Variants in FBXL12 observed in about 807,000 individuals in gnomAD.
FBXL12 encodes F-box and leucine rich repeat protein 12, also known as F-box/LRR-repeat protein 12.
Under a neutral mutation model 24.9 loss-of-function variants are expected in FBXL12, and 22 were observed. The observed-to-expected ratio is 0.88, with a 90% confidence interval of 0.63 to 1.26. FBXL12 has a LOEUF of 1.26. FBXL12 is among the 50% of genes most tolerant of loss of function. The pLI is 0.00. For missense variants in FBXL12, 384 were observed against 434.1 expected (o/e 0.88, Z 1.03); for synonymous variants, 193 against 193.8 (o/e 1.00, Z 0.03).
Position 9,811,686 on chromosome 19 carries a change from C to T in FBXL12, c.191G>A (p.Arg64Gln), listed in dbSNP as rs776137735. The change falls in exon 3 of 3, where the codon CGA becomes CAA. Residue 64 changes from arginine (R) to glutamine (Q), a missense_variant. Arg to Gln is a conservative substitution (Grantham distance 43). Transcript: ENST00000247977. This position sits in a 1 kb window ranked among gnomAD's most constrained non-coding sequence, Gnocchi z 6.0. ...MRPKVMWHLL[R>Q]RYMASRLHSL... ...ATGGAGCCGGGATGCCATGTACCTT[C>T]GAAGGAGGTGCCACATGACTTTAGG... 7.3e-6 allele frequency: 11 copies of T among 1,512,624 alleles called. No individual in the cohort carries two copies. Among genetic ancestry groups the T allele is most frequent in the African/African-American group, 1.4e-5 (1 of 71,572 alleles). The allele number at this position is 1,512,624 out of a possible 1,614,324, so 93.7% of individuals were successfully genotyped here. A position where few individuals can be genotyped will look rare whatever the true frequency, so the allele number is the denominator to read the frequency against.
At chr19:9,816,292 T>G (rs893365924) in intron 2 of FBXL12, among the ~76,000 whole-genome samples, 1 of 152,224 alleles carries the variant, frequency 6.6e-6, no homozygotes. Flanking sequence ...AATTTCTCCC[T>G]AGAAAATGGG....
intron 2 of FBXL12, among the ~76,000 whole-genome samples, chr19:9,817,716 T>G (rs932504891): frequency 6.6e-6 from 1 of 152,096 alleles, no homozygotes; most frequent in African/African-American, 2.4e-5. Flanking sequence ...GAGTTACAGA[T>G]GGATATATAC....
intron 2 of FBXL12, 38 bp downstream of exon 2, chr19:9,818,507 C>T (rs1203014446): frequency 6.5e-7 from 1 of 1,530,304 alleles, no homozygotes. Flanking sequence ...CCGGGCACCG[C>T]GACCGCGGCC....
At chr19:9,813,381 G>A in intron 2 of FBXL12, 1 of 657,408 alleles carries the variant, frequency 1.5e-6, no homozygotes, top group Non-Finnish European at 2.1e-6. Context: ...TTGTTGCCCA[G>A]GCTGGAGTGC....
Position 9,815,078 on chromosome 19 carries a change from T to A in FBXL12, c.160-3361A>T, listed in dbSNP as rs188753137. The stretch of plus-strand genomic sequence containing the variant: ...AGACAAGGCAAGTCCCTTCCACCTA[T>A]GAGCCTATAAAATCAAAAGCTAGCT... On this transcript the variant is annotated intron_variant, in intron 2 of 2. Coordinates refer to ENST00000247977, the MANE Select transcript of FBXL12 (RefSeq NM_017703.3). 2.7e-3 allele frequency among the ~76,000 whole-genome samples: 413 copies of A among 152,264 alleles called. 1 individual carries two copies. Among genetic ancestry groups the A allele is most frequent in the African/African-American group, 9.4e-3 (391 of 41,548 alleles).
In FBXL12 at chr19:9,810,283, AT is replaced by A. The variant is rs1246519605; in HGVS notation, c.*612del. On this transcript the variant is annotated 3_prime_UTR_variant, in exon 3 of 3. Transcript: ENST00000247977. Reference sequence around the variant, plus strand: ...ACTGAATACTTCTCGGGAAAAAAAAATGATTTTTTTCTTTAATAGTAAAATA... The same window carrying A: ...ACTGAATACTTCTCGGGAAAAAAAAAGATTTTTTTCTTTAATAGTAAAATA... 1 of 152,152 alleles carries A rather than the reference AT, an allele frequency of 6.6e-6. No individual in the cohort carries two copies. The highest frequency in any genetic ancestry group is 1.5e-5 in the Non-Finnish European group (1 of 68,030). 9.4% of individuals were successfully genotyped at this position (152,152 alleles called of 1,614,324 possible).
chr19:9,811,069 A>G lies in FBXL12; in HGVS notation c.808T>C (p.Ser270Pro). The G allele has an allele frequency of 6.2e-7, 1 of 1,603,418 alleles. No individual in the cohort carries two copies. The highest frequency in any genetic ancestry group is 8.5e-7 in the Non-Finnish European group (1 of 1,174,382). Residue 270 changes from serine to proline, a missense_variant, in exon 3 of 3, where the codon TCC becomes CCC. Coordinates refer to ENST00000247977, the MANE Select transcript of FBXL12 (RefSeq NM_017703.3). The surrounding 1 kb of genome is among the most constrained non-coding windows in gnomAD (Gnocchi z 6.0). The stretch of plus-strand genomic sequence containing the variant: ...CAGGAGGAGAGGATTTCAGTGGGGG[A>G]GGGCATTTCTGGGGTGACGAGGGGA... Reference protein sequence around the residue: ...QGPLVTPEMPSPTEILSSCLT... With the variant: ...QGPLVTPEMPPPTEILSSCLT...
chr19:9,818,368 T>C (rs997886300), intron 2 of FBXL12, 177 bp downstream of exon 2: 92 of 652,338 alleles, frequency 1.4e-4, no homozygotes, highest in Non-Finnish European at 2.1e-4. Context: ...GATGAGGAAA[T>C]TGAGGCCCTG....
In FBXL12 at chr19:9,811,447, G is replaced by A; in HGVS notation, c.430C>T (p.Gln144Ter). The change falls in exon 3 of 3, where the codon CAG (glutamine) becomes TAG (stop). Residue 144 changes from glutamine (Q) to a stop codon, truncating the protein, a stop_gained. Transcript: ENST00000247977. LOFTEE classifies it high-confidence loss of function. This position sits in a 1 kb window ranked among gnomAD's most constrained non-coding sequence, Gnocchi z 6.0. ...CEISMAWLHK[Q>*]QDPTVLPLLE... ...AGGGGCAGCACGGTGGGGTCCTGCT[G>A]CTTGTGGAGCCAGGCCATGGAGATC... 1 of 1,613,846 alleles carries A rather than the reference G, an allele frequency of 6.2e-7. No homozygotes were observed. Among genetic ancestry groups the A allele is most frequent in the Non-Finnish European group, 8.5e-7 (1 of 1,179,992 alleles).
At position 9,811,474 on chromosome 19, in the gene FBXL12, C is replaced by T. The variant is rs774333439; in HGVS notation, c.403G>A (p.Glu135Lys). The T allele has an allele frequency of 3.1e-6, 5 of 1,613,950 alleles. No individual in the cohort carries two copies. Among genetic ancestry groups the T allele is most frequent in the Admixed American group, 1.7e-5 (1 of 60,016 alleles). Residue 135 changes from glutamate to lysine, a missense_variant, in exon 3 of 3, where the codon GAG becomes AAG. Coordinates refer to ENST00000247977, the MANE Select transcript of FBXL12 (RefSeq NM_017703.3). The surrounding 1 kb of genome is among the most constrained non-coding windows in gnomAD (Gnocchi z 6.0). ...TTGTGGAGCCAGGCCATGGAGATCTCGCAGCTGTGCAGCTCCAGGGTCCTC... is the reference window on the plus strand; with the variant it reads ...TTGTGGAGCCAGGCCATGGAGATCTTGCAGCTGTGCAGCTCCAGGGTCCTC... ...TLRTLELHSC[E>K]ISMAWLHKQQ... is the part of the protein sequence containing the mutation.
chr19:9,811,383 C>T lies in FBXL12; in HGVS notation c.494G>A (p.Arg165His), dbSNP rs747723428. 26 of 1,612,610 alleles carry T rather than the reference C, an allele frequency of 1.6e-5. No homozygotes were observed. The highest frequency in any genetic ancestry group is 1.6e-4 in the Middle Eastern group (1 of 6,062). ...CGTCAGGCCCTGCAGGTGCTCGTCACGGAAGGCGGGGACGCGGTCCAGCAC... is the reference window on the plus strand; with the variant it reads ...CGTCAGGCCCTGCAGGTGCTCGTCATGGAAGGCGGGGACGCGGTCCAGCAC... ...CIVLDRVPAF[R>H]DEHLQGLTRF... Residue 165 changes from arginine to histidine, a missense_variant, in exon 3 of 3, where the codon CGT (arginine) becomes CAT (histidine). Physicochemically the swap from Arg to His is conservative, Grantham distance 29 (BLOSUM62 0). Transcript: ENST00000247977. The surrounding 1 kb of genome is among the most constrained non-coding windows in gnomAD (Gnocchi z 6.0).
chr19:9,811,424 G>A lies in FBXL12; in HGVS notation c.453C>T (p.Pro151=), dbSNP rs1168976073. ...LHKQQDPTVL[P]LLECIVLDRV... ...GGTCCAGCACGATGCATTCAAGCAG[G>A]GGCAGCACGGTGGGGTCCTGCTGCT... The change falls in exon 3 of 3, where the codon CCC becomes CCT. Residue 151 remains proline (P), a synonymous_variant. Coordinates refer to ENST00000247977, the MANE Select transcript of FBXL12 (RefSeq NM_017703.3). The surrounding 1 kb of genome is among the most constrained non-coding windows in gnomAD (Gnocchi z 6.0). 6.2e-7 allele frequency: 1 copy of A among 1,613,532 alleles called. No individual in the cohort carries two copies. Among genetic ancestry groups the A allele is most frequent in the Non-Finnish European group, 8.5e-7 (1 of 1,180,004 alleles).
chr19:9,816,796 A>G (rs966083235), intron 2 of FBXL12, among the ~76,000 whole-genome samples: 1 of 152,188 alleles, frequency 6.6e-6, no homozygotes, highest in Non-Finnish European at 1.5e-5. Flanking sequence ...ACCAATTTAC[A>G]GTATTAGTCT....
chr19:9,818,275 TCTA>T, intron 2 of FBXL12: 1 of 554,384 alleles, frequency 1.8e-6, no homozygotes, highest in African/African-American at 1.9e-5. Flanking sequence ...GCCAGACTGT[TCTA>T]AGCCCTTTCC....
In FBXL12 at chr19:9,812,224, G is replaced by A. The variant is rs117953749; in HGVS notation, c.160-507C>T. Among the ~76,000 whole-genome samples, 38 of 152,118 alleles carry A rather than the reference G, an allele frequency of 2.5e-4. No homozygotes were observed. The East Asian group carries it at 4.7e-3, about 19-fold the overall frequency. ...TCTACAGTCGTGAGCCACTGCACTC[G>A]GCCACTTAGAATAAATCTGGTAGGG... On this transcript the variant is annotated intron_variant, in intron 2 of 2. Coordinates refer to ENST00000247977, the MANE Select transcript of FBXL12 (RefSeq NM_017703.3).
chr19:9,816,739 G>A (rs1208502543), intron 2 of FBXL12, among the ~76,000 whole-genome samples: 2 of 152,148 alleles, frequency 1.3e-5, no homozygotes, highest in African/African-American at 4.8e-5. Flanking sequence ...TTCCAAAGAT[G>A]CTTCTACATT....
rs1311311488 is a variant in FBXL12, at chr19:9,811,360, T to A, written c.517A>T (p.Thr173Ser). 6.2e-7 allele frequency: 1 copy of A among 1,611,612 alleles called. No individual in the cohort carries two copies. The highest frequency in any genetic ancestry group is 8.5e-7 in the Non-Finnish European group (1 of 1,179,924). Residue 173 changes from threonine to serine, a missense_variant, in exon 3 of 3, where the codon ACG becomes TCG. Coordinates refer to ENST00000247977, the MANE Select transcript of FBXL12 (RefSeq NM_017703.3). This position sits in a 1 kb window ranked among gnomAD's most constrained non-coding sequence, Gnocchi z 6.0. ...AGCGAGCGCAAGGCCCGGAAGCGCG[T>A]CAGGCCCTGCAGGTGCTCGTCACGG... ...AFRDEHLQGLTRFRALRSLVL... is the reference protein window; with the variant it reads ...AFRDEHLQGLSRFRALRSLVL...
intron 2 of FBXL12, among the ~76,000 whole-genome samples, chr19:9,812,350 G>A (rs2045772646): frequency 6.6e-6 from 1 of 151,888 alleles, no homozygotes; most frequent in Non-Finnish European, 1.5e-5. Context: ...GGCCAACATG[G>A]TGAAACCATG....
chr19:9,816,380 C>A (rs1001140407), intron 2 of FBXL12, among the ~76,000 whole-genome samples: 3 of 152,148 alleles, frequency 2.0e-5, no homozygotes, highest in African/African-American at 2.4e-5. Flanking sequence ...AACTGAATAC[C>A]TTTAACAGTA....
Sources: gnomAD v4.1 joint callset for allele counts (sites outside exome capture counted in the v4.1 genomes callset) on GRCh38, gnomAD v4.1.1 for gene constraint, Gnocchi (gnomAD v3.1) non-coding constraint, MANE v1.5 for transcripts, NCBI Gene and HGNC (gene_info 2026-07-23, HGNC 2026-07-21) for gene names.